BRWD3: variants seen among roughly 807,000 people sequenced by gnomAD.
BRWD3 encodes bromodomain and WD repeat-containing protein 3.
BRWD3 carries 10 observed loss-of-function variants against 149.7 expected under a neutral mutation model. That is an observed-to-expected ratio of 0.07 (90% confidence interval 0.04 to 0.11). The LOEUF (loss-of-function observed/expected upper bound fraction) is 0.11, where lower values mean the gene tolerates loss of function less well. Among genes scored for constraint, BRWD3 ranks in the 10% least tolerant of loss-of-function variants. The pLI, the probability that BRWD3 is intolerant of heterozygous loss-of-function variation, is 1.00. For synonymous variants in BRWD3, 504 were observed against 456.7 expected (o/e 1.10, Z -1.32); for missense variants, 940 against 1,373.2 (o/e 0.68, Z 4.99).
intron 20 of BRWD3, among the ~76,000 whole-genome samples, chrX:80,711,005 G>GA (rs765553550): frequency 0.05 from 5,260 of 104,383 alleles, 123 homozygotes; most frequent in Non-Finnish European, 0.071. Flanking sequence ...TTCACCTCCT[G>GA]AAAAAAAAAA....
chrX:80,753,000 G>A (rs1344477453), intron 6 of BRWD3, among the ~76,000 whole-genome samples: 2 of 111,716 alleles, frequency 1.8e-5, no homozygotes, highest in East Asian at 2.8e-4. Context: ...CCATTTGCAC[G>A]TCTTCTTTTG....
At chrX:80,777,791 C>A (rs2074014549) in intron 6 of BRWD3, among the ~76,000 whole-genome samples, 1 of 110,671 alleles carries the variant, frequency 9.0e-6, no homozygotes, top group Admixed American at 9.7e-5. Context: ...TATATGAAAT[C>A]CTTATGTAAT....
At chrX:80,750,769 C>A (rs2073654834) in intron 6 of BRWD3, among the ~76,000 whole-genome samples, 2 of 110,200 alleles carry the variant, frequency 1.8e-5, no homozygotes, top group African/African-American at 6.6e-5. Flanking sequence ...GATGTCTGCA[C>A]TCTCATGTTC....
intron 33 of BRWD3, among the ~76,000 whole-genome samples, chrX:80,688,726 C>T (rs1166709125): frequency 1.8e-5 from 2 of 110,637 alleles, no homozygotes; most frequent in Non-Finnish European, 3.8e-5. Flanking sequence ...TACATTTTTA[C>T]TTAAGTTTTC....
intron 6 of BRWD3, among the ~76,000 whole-genome samples, chrX:80,778,054 C>A (rs2074017330): frequency 9.0e-6 from 1 of 111,300 alleles, no homozygotes; most frequent in Non-Finnish European, 1.9e-5. Flanking sequence ...ATAGGTCAAG[C>A]TAACTTCATA....
intron 6 of BRWD3, among the ~76,000 whole-genome samples, chrX:80,780,867 G>A (rs1007991246): frequency 8.9e-6 from 1 of 112,178 alleles, no homozygotes; most frequent in South Asian, 3.6e-4. Flanking sequence ...ACCTCAGCCA[G>A]ATAAACAGTT....
chrX:80,804,739 C>A (rs768554021), intron 4 of BRWD3, among the ~76,000 whole-genome samples: 1 of 111,880 alleles, frequency 8.9e-6, no homozygotes, highest in South Asian at 3.7e-4. Flanking sequence ...GCCAACAACT[C>A]AATAGGGTCA....
rs760546317 is a variant in BRWD3, at chrX:80,716,165, T to C, written c.2317A>G (p.Thr773Ala). ...VEKKKKPSYT[T>A]QRNDYEPSCG... Reference sequence around the variant, plus strand: ...TGTAAAACTATACTTACCCTTTGAGTAGTGTAAGATGGCTTTTTCTTCTTT... The same window carrying C: ...TGTAAAACTATACTTACCCTTTGAGCAGTGTAAGATGGCTTTTTCTTCTTT... Residue 773 changes from threonine (T) to alanine (A), a missense_variant, in exon 20 of 41, where the codon ACT becomes GCT. Thr to Ala is a moderately conservative substitution (Grantham distance 58). Around this residue, in one of 6 missense-constraint regions of BRWD3, gnomAD observed 103 missense variants for 103.2 expected, o/e 1.00. Coordinates refer to ENST00000373275, the MANE Select transcript of BRWD3 (RefSeq NM_153252.5). The C allele has an allele frequency of 1.7e-6, 2 of 1,190,597 alleles. No individual in the cohort carries two copies. Among genetic ancestry groups the C allele is most frequent in the African/African-American group, 3.5e-5 (2 of 56,681 alleles).
intron 6 of BRWD3, among the ~76,000 whole-genome samples, chrX:80,761,607 C>T (rs2073803505): frequency 9.0e-6 from 1 of 111,436 alleles, no homozygotes; most frequent in African/African-American, 3.3e-5. Flanking sequence ...TTGTTAGGTA[C>T]TGAGGAAAGA....
rs748647459 is a variant in BRWD3 at position 80,709,421 on chromosome X, A to G, written c.2475+7T>C. The G allele has an allele frequency of 1.7e-6, 2 of 1,201,925 alleles. No homozygotes were observed. Among genetic ancestry groups the G allele is most frequent in the Non-Finnish European group, 2.3e-6 (2 of 887,176 alleles). The stretch of plus-strand genomic sequence containing the variant: ...CTACATCAAATAAATAATAGTATAT[A>G]TATAACCTCTGAAGAACTGTCTGAG... On this transcript the variant is annotated splice_region_variant and intron_variant, in intron 21 of 40. Transcript: ENST00000373275.
At chrX:80,790,966 T>C (rs765495512) in intron 6 of BRWD3, among the ~76,000 whole-genome samples, 4 of 111,776 alleles carry the variant, frequency 3.6e-5, no homozygotes, top group Non-Finnish European at 5.6e-5. Flanking sequence ...ATCCAAGCTA[T>C]GGAAAAGTAT....
In BRWD3 at chrX:80,707,330, A is replaced by G. The variant is rs2072881067; in HGVS notation, c.2552+97T>C. 6.0e-6 allele frequency: 5 copies of G among 828,300 alleles called. No individual in the cohort carries two copies. The South Asian group carries it at 9.1e-5, about 15-fold the overall frequency. The allele number at this position is 828,300 out of a possible 1,213,427, so 68.3% of individuals were successfully genotyped here. On this transcript the variant is annotated intron_variant, in intron 22 of 40. Coordinates refer to ENST00000373275, the MANE Select transcript of BRWD3 (RefSeq NM_153252.5). Reference sequence around the variant, plus strand: ...GCCAATACCTTTTCTACTATAAAACACTATTTTAATTCTGGTTTTACCAAT... The same window carrying G: ...GCCAATACCTTTTCTACTATAAAACGCTATTTTAATTCTGGTTTTACCAAT...
At chrX:80,693,124 T>A (rs2072634209) in intron 27 of BRWD3, 73 bp from the exon 28 acceptor site, 3 of 818,728 alleles carry the variant, frequency 3.7e-6, no homozygotes, top group Non-Finnish European at 5.5e-6. Context: ...AATTACTACT[T>A]TTTGTTGACA....
chrX:80,720,452 G>T (rs1474260417), intron 17 of BRWD3, among the ~76,000 whole-genome samples: 3 of 111,387 alleles, frequency 2.7e-5, no homozygotes, highest in Non-Finnish European at 5.7e-5. Flanking sequence ...TTTAAAAATA[G>T]AAAAACCTTA....
chrX:80,719,415 C>T, intron 18 of BRWD3, 74 bp downstream of exon 18: 1 of 941,663 alleles, frequency 1.1e-6, no homozygotes, highest in Non-Finnish European at 1.5e-6. Flanking sequence ...AAATATTTTC[C>T]ATGTAATTAT....
rs764590952 is a variant in BRWD3, at chrX:80,734,193, A to G, written c.1011T>C (p.Ser337=). The G allele has an allele frequency of 1.7e-6, 2 of 1,193,851 alleles. No individual in the cohort carries two copies. Among genetic ancestry groups the G allele is most frequent in the Admixed American group, 4.3e-5 (2 of 45,984 alleles). ...SSGGMFITTG[S]TDHVIRIYYL... ...AATATATTCTAATCACATGGTCAGT[A>G]CTACCAGTTGTAATGAACATACCAC... The change falls in exon 11 of 41, where the codon AGT becomes AGC. Residue 337 remains serine (S), a synonymous_variant. Coordinates refer to ENST00000373275, the MANE Select transcript of BRWD3 (RefSeq NM_153252.5).
Position 80,685,525 on chromosome X carries a change from C to A in BRWD3, c.4017G>T (p.Glu1339Asp). 1 of 1,204,293 alleles carries A rather than the reference C, an allele frequency of 8.3e-7. No individual in the cohort carries two copies. Among genetic ancestry groups the A allele is most frequent in the Non-Finnish European group, 1.1e-6 (1 of 889,407 alleles). Residue 1339 changes from glutamate (E) to aspartate (D), a missense_variant, in exon 36 of 41, where the codon GAG (glutamate) becomes GAT (aspartate). Physicochemically the swap from Glu to Asp is conservative, Grantham distance 45. Around this residue, in one of 6 missense-constraint regions of BRWD3, gnomAD observed 349 missense variants for 419.6 expected, o/e 0.83. Transcript: ENST00000373275. ...CAGACTCTGAGGATTCTCCCTCTTG[C>A]TCCTGATGACCCTATTAGGGTGAAG... ...ADLLSYPGHQ[E>D]QEGESSESVV...
intron 6 of BRWD3, among the ~76,000 whole-genome samples, chrX:80,752,932 T>C (rs2073687877): frequency 8.9e-6 from 1 of 112,338 alleles, no homozygotes; most frequent in African/African-American, 3.2e-5. Context: ...CCCAAAGTGC[T>C]GGGACTATAG....
rs756508428 is a variant in BRWD3 at position 80,717,654 on chromosome X, C to T, written c.2150G>A (p.Arg717Gln). The part of the protein sequence containing the change: ...GVRQMHNNAP[R>Q]SQMATERDLM... ...ATCTCTTTCAGTGGCCATCTGGCTCCGAGGAGCATTGTTATGCATTTGTCT... is the reference window on the plus strand; with the variant it reads ...ATCTCTTTCAGTGGCCATCTGGCTCTGAGGAGCATTGTTATGCATTTGTCT... The change falls in exon 19 of 41, where the codon CGG becomes CAG. Residue 717 changes from arginine to glutamine, a missense_variant. Arg to Gln is a conservative substitution (Grantham distance 43). Coordinates refer to ENST00000373275, the MANE Select transcript of BRWD3 (RefSeq NM_153252.5). The T allele has an allele frequency of 5.8e-6, 7 of 1,209,584 alleles. No individual in the cohort carries two copies. In the East Asian group the frequency reaches 8.9e-5, roughly 15 times the overall value.
Sources: allele counts gnomAD v4.1 joint callset (sites outside exome capture counted in the v4.1 genomes callset), GRCh38; gene constraint gnomAD v4.1.1; regional missense constraint gnomAD v4.1.1; transcripts MANE v1.5; gene names NCBI Gene and HGNC (gene_info 2026-07-23, HGNC 2026-07-21).